The following PDZRN3 variants were observed in gnomAD, a reference collection of about 807,000 sequenced individuals.
PDZRN3 encodes PDZ domain containing ring finger 3.
PDZRN3 carries 38 observed loss-of-function variants against 85.7 expected under a neutral mutation model. The ratio of observed to expected loss-of-function variants is 0.44; its 90% confidence interval spans 0.34 to 0.58. The LOEUF is 0.58. Among genes scored for constraint, PDZRN3 ranks in the 20% least tolerant of loss-of-function variants. The pLI is 0.01. For synonymous variants in PDZRN3, 759 were observed against 638.0 expected (o/e 1.19, Z -2.86); for missense variants, 1,629 against 1,506.4 (o/e 1.08, Z -1.35).
Position 73,427,912 on chromosome 3 carries a change from G to C in PDZRN3, c.919-23517C>G, listed in dbSNP as rs140509662. ...CAACAAAATACAGGAGCGGTGCACA[G>C]AGAGGTTAGAGTGGGTCGGGGGATT... On this transcript the variant is annotated intron_variant, in intron 3 of 9. Coordinates refer to ENST00000263666, the MANE Select transcript of PDZRN3 (RefSeq NM_015009.3). Among the ~76,000 whole-genome samples, 9 of 152,308 alleles carry C rather than the reference G, an allele frequency of 5.9e-5. No homozygotes were observed. In the East Asian group the frequency reaches 1.7e-3, roughly 29 times the overall value.
In PDZRN3 at chr3:73,600,832, G is replaced by A. The variant is rs1303458606; in HGVS notation, c.918+1522C>T. Among the ~76,000 whole-genome samples the A allele has an allele frequency of 5.9e-5, 9 of 152,114 alleles. No individual in the cohort carries two copies. In the East Asian group the frequency reaches 7.7e-4, roughly 13 times the overall value. On this transcript the variant is annotated intron_variant, in intron 3 of 9. Coordinates refer to ENST00000263666, the MANE Select transcript of PDZRN3 (RefSeq NM_015009.3). ...ACTCTCAAAAAAGACAGTAAGTAACGCATTTGAGCTCTTAAGAAAGCACTC... is the reference window on the plus strand; with the variant it reads ...ACTCTCAAAAAAGACAGTAAGTAACACATTTGAGCTCTTAAGAAAGCACTC...
chr3:73,403,780 A>C (rs1701799993), intron 4 of PDZRN3, among the ~76,000 whole-genome samples: 1 of 152,202 alleles, frequency 6.6e-6, no homozygotes, highest in African/African-American at 2.4e-5. Flanking sequence ...CTCTTGACAC[A>C]CACAACTTAC....
At chr3:73,517,155 G>A (rs2106720001) in intron 3 of PDZRN3, among the ~76,000 whole-genome samples, 2 of 152,296 alleles carry the variant, frequency 1.3e-5, no homozygotes, top group Admixed American at 1.3e-4. Context: ...AGGATAGAAA[G>A]GTGATACAGT....
chr3:73,462,672 A>G (rs1040805806), intron 3 of PDZRN3, among the ~76,000 whole-genome samples: 2 of 152,116 alleles, frequency 1.3e-5, no homozygotes, highest in African/African-American at 2.4e-5. Context: ...GAGAAAACTG[A>G]GCTTTCCACT....
chr3:73,497,581 T>C (rs1703889694), intron 3 of PDZRN3, among the ~76,000 whole-genome samples: 1 of 152,246 alleles, frequency 6.6e-6, no homozygotes, highest in South Asian at 2.1e-4. Flanking sequence ...AAATTTTTTT[T>C]ATTCTGGAAA....
intron 3 of PDZRN3, among the ~76,000 whole-genome samples, chr3:73,475,252 T>C (rs1703425632): frequency 6.6e-6 from 1 of 152,202 alleles, no homozygotes; most frequent in Non-Finnish European, 1.5e-5. Context: ...TGAGAGATCA[T>C]ACCCTAATCA....
chr3:73,579,953 C>T (rs949644070), intron 3 of PDZRN3, among the ~76,000 whole-genome samples: 1 of 152,000 alleles, frequency 6.6e-6, no homozygotes, highest in Non-Finnish European at 1.5e-5. Flanking sequence ...CAATGATTCC[C>T]GATGAACTTA....
chr3:73,540,530 C>T (rs1196423445), intron 3 of PDZRN3, among the ~76,000 whole-genome samples: 1 of 152,164 alleles, frequency 6.6e-6, no homozygotes, highest in Non-Finnish European at 1.5e-5. Context: ...GTAATTGAAT[C>T]ATGGGGGCGG....
chr3:73,617,833 G>A (rs1288070554), intron 1 of PDZRN3, among the ~76,000 whole-genome samples: 1 of 152,160 alleles, frequency 6.6e-6, no homozygotes, highest in Non-Finnish European at 1.5e-5. Context: ...AGCCTCCCCA[G>A]TAGCTGGGAC....
chr3:73,426,223 GT>G (rs1702312758), intron 3 of PDZRN3, among the ~76,000 whole-genome samples: 1 of 151,568 alleles, frequency 6.6e-6, no homozygotes, highest in African/African-American at 2.4e-5. Context: ...TATTTATCAT[GT>G]ATATACAGCA....
In PDZRN3 at chr3:73,505,071, G is replaced by T. The variant is rs563046366; in HGVS notation, c.918+97283C>A. On this transcript the variant is annotated intron_variant, in intron 3 of 9. Coordinates refer to ENST00000263666, the MANE Select transcript of PDZRN3 (RefSeq NM_015009.3). The stretch of plus-strand genomic sequence containing the variant: ...AGTTTTTTATTTATAGCCAAATCCC[G>T]TTCCTAGTCTAAGATAGTGTGACAC... 2.4e-4 allele frequency among the ~76,000 whole-genome samples: 36 copies of T among 152,270 alleles called. 1 individual carries two copies. The South Asian group carries it at 7.5e-3, about 32-fold the overall frequency.
intron 3 of PDZRN3, among the ~76,000 whole-genome samples, chr3:73,598,824 C>T (rs112133355): frequency 2.6e-3 from 390 of 152,318 alleles, no homozygotes; most frequent in African/African-American, 9.1e-3. Flanking sequence ...CAACTCAATT[C>T]CTATCTCAAG....
intron 1 of PDZRN3, among the ~76,000 whole-genome samples, chr3:73,615,172 AAACT>A (rs1371112921): frequency 1.3e-5 from 2 of 152,206 alleles, no homozygotes; most frequent in African/African-American, 4.8e-5. Context: ...ATATTTTTGA[AAACT>A]AATATGAGAA....
chr3:73,498,090 T>C (rs900180400), intron 3 of PDZRN3, among the ~76,000 whole-genome samples: 1 of 152,218 alleles, frequency 6.6e-6, no homozygotes, highest in Non-Finnish European at 1.5e-5. Context: ...CAAATCCTGG[T>C]TATCTGCCTC....
chr3:73,393,656 C>T (rs1701575910), intron 5 of PDZRN3, among the ~76,000 whole-genome samples: 1 of 152,144 alleles, frequency 6.6e-6, no homozygotes, highest in Non-Finnish European at 1.5e-5. Flanking sequence ...ACAAGCACAA[C>T]TCTGTAATAC....
intron 3 of PDZRN3, among the ~76,000 whole-genome samples, chr3:73,517,925 T>C (rs997432826): frequency 6.6e-6 from 1 of 152,126 alleles, no homozygotes; most frequent in African/African-American, 2.4e-5. Flanking sequence ...AGAATACACA[T>C]AACTGGAGAT....
chr3:73,487,124 T>C (rs1244324985), intron 3 of PDZRN3, among the ~76,000 whole-genome samples: 3 of 152,194 alleles, frequency 2.0e-5, no homozygotes, highest in Non-Finnish European at 4.4e-5. Context: ...TGACTTTTAA[T>C]AGGGGCATCT....
At chr3:73,536,177 T>A (rs1015877471) in intron 3 of PDZRN3, among the ~76,000 whole-genome samples, 6 of 152,238 alleles carry the variant, frequency 3.9e-5, no homozygotes, top group Admixed American at 6.5e-5. Context: ...GGTCTTGGCA[T>A]CTGCTATCTT....
intron 3 of PDZRN3, among the ~76,000 whole-genome samples, chr3:73,439,543 G>T (rs116161765): frequency 8.5e-4 from 129 of 152,218 alleles, no homozygotes; most frequent in African/African-American, 3.1e-3. Context: ...AGTGGCCACT[G>T]GTTCTTGAAC....
Sources: allele counts gnomAD v4.1 joint callset (sites outside exome capture counted in the v4.1 genomes callset), GRCh38; gene constraint gnomAD v4.1.1; transcripts MANE v1.5; gene names NCBI Gene and HGNC (gene_info 2026-07-23, HGNC 2026-07-21).